Variants in GABRB2 observed in about 807,000 individuals in gnomAD.
GABRB2 encodes the protein gamma-aminobutyric acid receptor subunit beta-2.
In GABRB2, 16 loss-of-function variants were observed where a neutral mutation model predicts 54.7. That is an observed-to-expected ratio of 0.29 (90% CI 0.20 to 0.44). The LOEUF (loss-of-function observed/expected upper bound fraction) is 0.44, where lower values mean the gene tolerates loss of function less well. GABRB2 is among the 20% of genes least tolerant of loss of function. The pLI, the probability that GABRB2 is intolerant of heterozygous loss-of-function variation, is 1.00. For synonymous variants in GABRB2, 244 were observed against 233.8 expected (o/e 1.04, Z -0.40); for missense variants, 355 against 644.0 (o/e 0.55, Z 4.86).
chr5:161,385,948 GTGTGTGTGTGTGT>G (rs558492822), intron 5 of GABRB2, among the ~76,000 whole-genome samples: 3,211 of 108,312 alleles, frequency 0.03, 123 homozygotes, highest in African/African-American at 0.11. Flanking sequence ...CTATTGTCTG[GTGTGTGTGTGTGT>G]GTGTGTGTGT....
intron 9 of GABRB2, among the ~76,000 whole-genome samples, chr5:161,317,495 A>G (rs568020148): frequency 6.6e-6 from 1 of 152,220 alleles, no homozygotes; most frequent in Non-Finnish European, 1.5e-5. Flanking sequence ...TTGCACTAAC[A>G]ATAACTCATC....
chr5:161,398,016 TA>T (rs1756058195), intron 5 of GABRB2, among the ~76,000 whole-genome samples: 1 of 20,774 alleles, frequency 4.8e-5, no homozygotes, highest in Non-Finnish European at 2.0e-4. Context: ...AGATAGATGA[TA>T]GATAGATAGA....
intron 3 of GABRB2, among the ~76,000 whole-genome samples, chr5:161,540,105 T>G (rs1760766302): frequency 6.6e-6 from 1 of 152,208 alleles, no homozygotes; most frequent in African/African-American, 2.4e-5. Flanking sequence ...AAAAGATTTC[T>G]CTGTGGCATG....
chr5:161,289,962 A>G lies in GABRB2; in HGVS notation c.*4119T>C, dbSNP rs180690048. On this transcript the variant is annotated 3_prime_UTR_variant, in exon 10 of 10. Coordinates refer to ENST00000393959, the MANE Select transcript of GABRB2 (RefSeq NM_001371727.1). ...AAAATAAATAAAAATTAAGAAAAAA[A>G]CTAAACAATTATTTGTATCTATTGA... The G allele has an allele frequency of 3.9e-5, 6 of 152,596 alleles. No homozygotes were observed. The East Asian group carries it at 9.6e-4, about 25-fold the overall frequency. The allele number at this position is 152,596 out of a possible 1,614,324, so 9.5% of individuals were successfully genotyped here.
chr5:161,439,832 GGGGA>G (rs1403791888), intron 4 of GABRB2, among the ~76,000 whole-genome samples: 1 of 151,958 alleles, frequency 6.6e-6, no homozygotes, highest in Non-Finnish European at 1.5e-5. Flanking sequence ...GTGGGGGTAG[GGGGA>G]GGGAGGGCAT....
chr5:161,458,027 CTT>C (rs1299244871), intron 4 of GABRB2, among the ~76,000 whole-genome samples: 2 of 152,110 alleles, frequency 1.3e-5, no homozygotes, highest in African/African-American at 2.4e-5. Context: ...CTCTGGGTAA[CTT>C]ATCATTTCTA....
intron 4 of GABRB2, among the ~76,000 whole-genome samples, chr5:161,458,614 T>C (rs762265868): frequency 6.6e-5 from 10 of 152,220 alleles, no homozygotes; most frequent in Non-Finnish European, 1.3e-4. Flanking sequence ...GGCTCTGAAC[T>C]TGGAACAGGG....
At chr5:161,417,135 A>T (rs1454466258) in intron 4 of GABRB2, among the ~76,000 whole-genome samples, 1 of 152,228 alleles carries the variant, frequency 6.6e-6, no homozygotes, top group Non-Finnish European at 1.5e-5. Flanking sequence ...TGTGTCTCAC[A>T]ACCATTTTAG....
chr5:161,387,724 AACTTAAT>A (rs1259024533), intron 5 of GABRB2, among the ~76,000 whole-genome samples: 2 of 152,172 alleles, frequency 1.3e-5, no homozygotes, highest in Non-Finnish European at 2.9e-5. Flanking sequence ...ATATAGCTAA[AACTTAAT>A]ACTTAAAGGC....
At chr5:161,306,290 T>C (rs1248970676) in intron 9 of GABRB2, among the ~76,000 whole-genome samples, 1 of 152,234 alleles carries the variant, frequency 6.6e-6, no homozygotes, top group East Asian at 1.9e-4. Flanking sequence ...GCACTAATGT[T>C]TGAATCCTTC....
chr5:161,386,318 CA>C (rs1755630020), intron 5 of GABRB2, among the ~76,000 whole-genome samples: 1 of 152,106 alleles, frequency 6.6e-6, no homozygotes, highest in Non-Finnish European at 1.5e-5. Flanking sequence ...ATTATCTCCA[CA>C]GTAAAGACAG....
chr5:161,392,658 G>A (rs1009284249), intron 5 of GABRB2, among the ~76,000 whole-genome samples: 15 of 152,086 alleles, frequency 9.9e-5, no homozygotes, highest in African/African-American at 3.6e-4. Context: ...TACTTTACAG[G>A]ATTAAATTAA....
At position 161,336,777 on chromosome 5, in the gene GABRB2, A is replaced by G. The variant is rs546965842; in HGVS notation, c.542-8T>C. On this transcript the variant is annotated splice_polypyrimidine_tract_variant and splice_region_variant and intron_variant, in intron 5 of 9. Coordinates refer to ENST00000393959, the MANE Select transcript of GABRB2 (RefSeq NM_001371727.1). Reference sequence around the variant, plus strand: ...CATCAGTTGTGTATCCATCTGTGAAAGGAAACATACACACACACACACACA... The same window carrying G: ...CATCAGTTGTGTATCCATCTGTGAAGGGAAACATACACACACACACACACA... 93 of 1,610,296 alleles carry G rather than the reference A, an allele frequency of 5.8e-5. No homozygotes were observed. In the East Asian group the frequency reaches 1.7e-3, roughly 29 times the overall value.
chr5:161,314,889 A>C (rs999198393), intron 9 of GABRB2, among the ~76,000 whole-genome samples: 10 of 152,204 alleles, frequency 6.6e-5, no homozygotes, highest in African/African-American at 2.4e-4. Context: ...ATTAAATGTT[A>C]ATAATATATG....
intron 5 of GABRB2, among the ~76,000 whole-genome samples, chr5:161,349,236 A>T (rs1754400239): frequency 1.3e-5 from 2 of 152,072 alleles, no homozygotes; most frequent in African/African-American, 2.4e-5. Context: ...AGGAAAAAAA[A>T]TTCCTTAAAT....
chr5:161,405,114 G>A (rs986515422), intron 5 of GABRB2, among the ~76,000 whole-genome samples: 3 of 151,986 alleles, frequency 2.0e-5, no homozygotes, highest in African/African-American at 4.8e-5. Flanking sequence ...TTCCTTAAGA[G>A]GAAATTCTGC....
intron 9 of GABRB2, among the ~76,000 whole-genome samples, chr5:161,320,787 A>G (rs1404742918): frequency 6.6e-6 from 1 of 151,886 alleles, no homozygotes; most frequent in Non-Finnish European, 1.5e-5. Context: ...GAGTTGATAT[A>G]TGCTCTACAC....
At chr5:161,349,261 A>C (rs1004408404) in intron 5 of GABRB2, among the ~76,000 whole-genome samples, 3 of 152,034 alleles carry the variant, frequency 2.0e-5, no homozygotes, top group Non-Finnish European at 2.9e-5. Context: ...TTAAAAAAAA[A>C]CCCAAAACAA....
chr5:161,375,337 T>C (rs1733322662), intron 5 of GABRB2, among the ~76,000 whole-genome samples: 1 of 152,176 alleles, frequency 6.6e-6, no homozygotes, highest in Admixed American at 6.5e-5. Context: ...AGGTGTCTAG[T>C]TTCCCTTGAA....
Sources: gnomAD v4.1 joint callset for allele counts (sites outside exome capture counted in the v4.1 genomes callset) on GRCh38, gnomAD v4.1.1 for gene constraint, MANE v1.5 for transcripts, NCBI Gene and HGNC (gene_info 2026-07-23, HGNC 2026-07-21) for gene names.